The following HS3ST4 variants were observed in gnomAD, a reference collection of about 807,000 sequenced individuals.
The protein encoded by HS3ST4 is heparan sulfate-glucosamine 3-sulfotransferase 4.
A neutral mutation model predicts 29.2 loss-of-function variants in HS3ST4; 17 were observed. The observed-to-expected ratio is 0.58, with a 90% confidence interval of 0.40 to 0.87. HS3ST4 has a LOEUF of 0.87. Ranked by LOEUF, HS3ST4 falls within the 40% of genes least tolerant of loss-of-function variation. The pLI is 0.00. For synonymous variants in HS3ST4, 314 were observed against 285.7 expected (o/e 1.10, Z -1.00); for missense variants, 627 against 634.5 (o/e 0.99, Z 0.13).
intron 1 of HS3ST4, among the ~76,000 whole-genome samples, chr16:25,719,374 GACAAGTGACAATC>G (rs138013802): frequency 0.42 from 63,454 of 151,962 alleles, 14,984 homozygotes; most frequent in East Asian, 0.57. Flanking sequence ...AAGACAGACA[GACAAGTGACAATC>G]ACAATTTAGC....
At chr16:26,103,191 TAC>T (rs768378795) in intron 1 of HS3ST4, among the ~76,000 whole-genome samples, 36 of 152,316 alleles carry the variant, frequency 2.4e-4, no homozygotes, top group South Asian at 1.9e-3. Context: ...TTGGATGTTT[TAC>T]ACAGTTACCT....
chr16:26,077,955 G>T (rs925804096), intron 1 of HS3ST4, among the ~76,000 whole-genome samples: 12 of 152,296 alleles, frequency 7.9e-5, no homozygotes, highest in African/African-American at 2.9e-4. Flanking sequence ...CACACCTGTA[G>T]TCCTAGCTCC....
intron 1 of HS3ST4, among the ~76,000 whole-genome samples, chr16:26,000,144 A>G (rs140335877): frequency 6.6e-6 from 1 of 151,922 alleles, no homozygotes; most frequent in African/African-American, 2.4e-5. Context: ...TAGACACTCC[A>G]TTTTAGCTTA....
At chr16:25,883,740 A>G (rs953760696) in intron 1 of HS3ST4, among the ~76,000 whole-genome samples, 2 of 152,184 alleles carry the variant, frequency 1.3e-5, no homozygotes, top group Admixed American at 1.3e-4. Flanking sequence ...AATAAGTGTT[A>G]TTATACTTGT....
At chr16:25,701,003 T>C (rs1966330696) in intron 1 of HS3ST4, among the ~76,000 whole-genome samples, 1 of 152,178 alleles carries the variant, frequency 6.6e-6, no homozygotes, top group African/African-American at 2.4e-5. Flanking sequence ...CAAAAGACAT[T>C]TGATTGCCTT....
At chr16:25,983,827 TTGG>T (rs1969034500) in intron 1 of HS3ST4, among the ~76,000 whole-genome samples, 1 of 152,122 alleles carries the variant, frequency 6.6e-6, no homozygotes. Flanking sequence ...AATTTCAGGG[TTGG>T]TGGTTTATTA....
chr16:26,104,894 A>C (rs1899032363), intron 1 of HS3ST4, among the ~76,000 whole-genome samples: 1 of 152,082 alleles, frequency 6.6e-6, no homozygotes, highest in African/African-American at 2.4e-5. Flanking sequence ...CCACACCTCA[A>C]ACTCAATCTA....
chr16:25,754,799 A>T, intron 1 of HS3ST4, among the ~76,000 whole-genome samples: 1 of 151,864 alleles, frequency 6.6e-6, no homozygotes, highest in Non-Finnish European at 1.5e-5. Flanking sequence ...GGATTATGGG[A>T]ACTACAATTC....
At chr16:25,914,958 A>G (rs1297904220) in intron 1 of HS3ST4, among the ~76,000 whole-genome samples, 3 of 152,062 alleles carry the variant, frequency 2.0e-5, no homozygotes, top group Admixed American at 2.0e-4. Context: ...GGGTTTCTGA[A>G]CCTTAGCACC....
At chr16:26,054,093 C>T (rs929685730) in intron 1 of HS3ST4, among the ~76,000 whole-genome samples, 2 of 152,110 alleles carry the variant, frequency 1.3e-5, no homozygotes, top group African/African-American at 4.8e-5. Context: ...GGTCATATGG[C>T]CGTGCCTGAG....
intron 1 of HS3ST4, among the ~76,000 whole-genome samples, chr16:25,811,944 G>C (rs1005473328): frequency 2.0e-5 from 3 of 152,026 alleles, no homozygotes; most frequent in Non-Finnish European, 2.9e-5. Flanking sequence ...GTTGTTCAAG[G>C]GTCAACAACT....
chr16:25,845,289 G>T (rs961033059), intron 1 of HS3ST4, among the ~76,000 whole-genome samples: 1 of 152,112 alleles, frequency 6.6e-6, no homozygotes, highest in South Asian at 2.1e-4. Flanking sequence ...CTGGCAGATC[G>T]CCTGAGGTCA....
intron 1 of HS3ST4, among the ~76,000 whole-genome samples, chr16:26,003,113 T>A (rs1363827367): frequency 6.6e-6 from 1 of 152,142 alleles, no homozygotes; most frequent in East Asian, 1.9e-4. Flanking sequence ...GGGATGGAAA[T>A]CTAGCTCCAA....
In HS3ST4 at chr16:26,110,680, T is replaced by G. The variant is rs960755092; in HGVS notation, c.735-24932T>G. ...TCCTATGCAGTCAGTTCCCAATGCA[T>G]CAGTTACAGTGGGCCTTGGAAATTG... On this transcript the variant is annotated intron_variant, in intron 1 of 1. Coordinates refer to ENST00000331351, the MANE Select transcript of HS3ST4 (RefSeq NM_006040.3). Among the ~76,000 whole-genome samples the G allele has an allele frequency of 3.3e-5, 5 of 152,192 alleles. No individual in the cohort carries two copies. In the South Asian group the frequency reaches 1.0e-3, roughly 32 times the overall value.
intron 1 of HS3ST4, among the ~76,000 whole-genome samples, chr16:26,086,350 TTTTTTTTTC>T (rs1449087520): frequency 3.7e-5 from 4 of 109,496 alleles, no homozygotes; most frequent in African/African-American, 1.0e-4. Context: ...TTTTCTTTTC[TTTTTTTTTC>T]TTTTTTTTGA....
At chr16:25,857,903 CCTTCCTTCCTTCCTTCCTTTCTTTCTTT>C (rs1967592296) in intron 1 of HS3ST4, among the ~76,000 whole-genome samples, 2 of 61,732 alleles carry the variant, frequency 3.2e-5, no homozygotes, top group African/African-American at 1.2e-4. Flanking sequence ...TTTCTTTCTT[CCTTCCTTCCTTCCTTCCTTTCTTTCTTT>C]CTTTCTTTCT....
intron 1 of HS3ST4, among the ~76,000 whole-genome samples, chr16:25,696,317 TTCTAAGGGA>T (rs1966296273): frequency 6.6e-6 from 1 of 152,312 alleles, no homozygotes; most frequent in African/African-American, 2.4e-5. Context: ...CTTTAAACTC[TTCTAAGGGA>T]TGGGACCTCG....
At position 26,136,481 on chromosome 16, in the gene HS3ST4, G is replaced by A; in HGVS notation, c.*233G>A. The A allele has an allele frequency of 1.8e-6, 1 of 567,332 alleles. No individual in the cohort carries two copies. Among genetic ancestry groups the A allele is most frequent in the South Asian group, 2.2e-5 (1 of 44,962 alleles). The allele number at this position is 567,332 out of a possible 1,614,324, so 35.1% of individuals were successfully genotyped here. A position where few individuals can be genotyped will look rare whatever the true frequency, so the allele number is the denominator to read the frequency against. The stretch of plus-strand genomic sequence containing the variant: ...GCAGCAGCATCTGGTTGACCAGATG[G>A]CCACCAGAACCCACTGTTCATTCTT... On this transcript the variant is annotated 3_prime_UTR_variant, in exon 2 of 2. Transcript: ENST00000331351.
intron 1 of HS3ST4, among the ~76,000 whole-genome samples, chr16:26,004,650 G>A (rs778414368): frequency 3.3e-5 from 5 of 152,206 alleles, no homozygotes; most frequent in Non-Finnish European, 7.3e-5. Flanking sequence ...CTGGCTTATG[G>A]AAGTATGAAG....
Sources: gnomAD v4.1 joint callset for allele counts (sites outside exome capture counted in the v4.1 genomes callset) on GRCh38, gnomAD v4.1.1 for gene constraint, MANE v1.5 for transcripts, NCBI Gene and HGNC (gene_info 2026-07-23, HGNC 2026-07-21) for gene names.